Variants in CEP112 observed in about 807,000 individuals in gnomAD.
CEP112 encodes the protein centrosomal protein of 112 kDa.
In CEP112, 127 loss-of-function variants were observed where a neutral mutation model predicts 153.0. The observed-to-expected ratio is 0.83, with a 90% CI of 0.72 to 0.96. The LOEUF (loss-of-function observed/expected upper bound fraction) is 0.96, where lower values mean the gene tolerates loss of function less well. CEP112 is among the 40% of genes least tolerant of loss of function. The probability of loss-of-function intolerance (pLI) is 0.00; values close to 1 mark genes in which losing one functional copy is unlikely to be tolerated. For missense variants in CEP112, 1,089 were observed against 1,101.2 expected (o/e 0.99, Z 0.16); for synonymous variants, 358 against 374.4 (o/e 0.96, Z 0.51).
chr17:66,096,476 C>T, intron 7 of CEP112, 109 bp downstream of exon 7: 1 of 1,153,002 alleles, frequency 8.7e-7, no homozygotes, highest in South Asian at 1.4e-5. Context: ...AATTCAAAAA[C>T]TATTATGTTT....
At chr17:66,156,651 T>C (rs2071454233) in intron 4 of CEP112, among the ~76,000 whole-genome samples, 2 of 152,040 alleles carry the variant, frequency 1.3e-5, no homozygotes, top group African/African-American at 4.8e-5. Context: ...GTTAGAGGAA[T>C]TGCTGACTAG....
In CEP112 at chr17:66,188,195, C is replaced by T. The variant is rs374239752; in HGVS notation, c.-9+3802G>A. 2.0e-5 allele frequency among the ~76,000 whole-genome samples: 3 copies of T among 151,872 alleles called. No homozygotes were observed. In the East Asian group the frequency reaches 5.8e-4, roughly 29 times the overall value. ...TATAGCTTCCTGTTTAAAAATCTCT[C>T]GTGACTGCCTAAAACAGAATACTAT... is the stretch of plus-strand genomic sequence containing the variant. On this transcript the variant is annotated intron_variant, in intron 1 of 26. Transcript: ENST00000535342.
intron 17 of CEP112, among the ~76,000 whole-genome samples, chr17:65,962,508 T>C (rs1339875067): frequency 2.6e-5 from 4 of 152,160 alleles, no homozygotes; most frequent in Non-Finnish European, 4.4e-5. Flanking sequence ...GAAGAAAAAA[T>C]TAAAGCCTTC....
At chr17:65,655,072 G>C in intron 24 of CEP112, 1 of 688,970 alleles carries the variant, frequency 1.5e-6, no homozygotes, top group Non-Finnish European at 2.8e-6. Flanking sequence ...CAAAACCTAT[G>C]ATCATTGGCA....
At chr17:65,976,019 T>C (rs1324287417) in intron 17 of CEP112, among the ~76,000 whole-genome samples, 2 of 152,238 alleles carry the variant, frequency 1.3e-5, no homozygotes, top group Non-Finnish European at 2.9e-5. Flanking sequence ...ATTTGACCTA[T>C]AAAGTAAGCT....
intron 17 of CEP112, among the ~76,000 whole-genome samples, chr17:65,978,863 C>T (rs1251938026): frequency 6.6e-6 from 1 of 152,194 alleles, no homozygotes; most frequent in Non-Finnish European, 1.5e-5. Flanking sequence ...TCATATTCTA[C>T]TGACACTCAT....
intron 6 of CEP112, among the ~76,000 whole-genome samples, chr17:66,098,030 T>C (rs1204293870): frequency 6.6e-6 from 1 of 152,236 alleles, no homozygotes; most frequent in East Asian, 1.9e-4. Flanking sequence ...AACTGTAACC[T>C]AACTGGATGT....
intron 21 of CEP112, among the ~76,000 whole-genome samples, chr17:65,798,355 G>GTATA (rs2055061189): frequency 6.6e-6 from 1 of 152,138 alleles, no homozygotes; most frequent in African/African-American, 2.4e-5. Flanking sequence ...CTGGGGAAAG[G>GTATA]CTAGCTGGCT....
chr17:65,951,743 GC>G (rs200238616), intron 18 of CEP112, among the ~76,000 whole-genome samples: 1 of 78,354 alleles, frequency 1.3e-5, no homozygotes, highest in African/African-American at 4.3e-5. Flanking sequence ...ATCTTCCCCC[GC>G]CCCCCCCTTT....
intron 21 of CEP112, among the ~76,000 whole-genome samples, chr17:65,752,004 AC>A (rs2051897519): frequency 7.7e-6 from 1 of 129,774 alleles, no homozygotes; most frequent in Non-Finnish European, 1.6e-5. Context: ...CTATCTATCT[AC>A]TGTTCCTTTC....
chr17:66,179,874 T>C (rs893010702), intron 2 of CEP112, among the ~76,000 whole-genome samples: 1 of 151,832 alleles, frequency 6.6e-6, no homozygotes, highest in African/African-American at 2.4e-5. Context: ...TGATACCCAG[T>C]TTTTTTTAGG....
chr17:65,888,671 A>G (rs2059366741), intron 20 of CEP112, among the ~76,000 whole-genome samples: 1 of 152,234 alleles, frequency 6.6e-6, no homozygotes, highest in African/African-American at 2.4e-5. Flanking sequence ...AAGGGCAAGC[A>G]AGAGACAGAA....
intron 12 of CEP112, among the ~76,000 whole-genome samples, chr17:66,051,194 G>A (rs2066426303): frequency 6.6e-6 from 1 of 150,914 alleles, no homozygotes; most frequent in African/African-American, 2.4e-5. Context: ...ACCCTGGATG[G>A]TCTTGAATTC....
rs1433499303 is a variant in CEP112 at position 66,095,305 on chromosome 17, C to T, written c.768+946G>A. On this transcript the variant is annotated intron_variant, in intron 8 of 26. Transcript: ENST00000535342. ...ATATACACATACACACACACACATA[C>T]ACACACACACACAATGAAATGTTAT... 2.6e-5 allele frequency among the ~76,000 whole-genome samples: 4 copies of T among 151,298 alleles called. No individual in the cohort carries two copies. The East Asian group carries it at 7.8e-4, about 29-fold the overall frequency.
chr17:65,917,314 AG>A (rs1359866070), intron 19 of CEP112, among the ~76,000 whole-genome samples: 3 of 152,216 alleles, frequency 2.0e-5, no homozygotes, highest in Admixed American at 1.3e-4. Flanking sequence ...ACTTTCAAAA[AG>A]AGTATGATAA....
intron 11 of CEP112, among the ~76,000 whole-genome samples, chr17:66,056,512 C>G (rs968516126): frequency 1.3e-5 from 2 of 152,124 alleles, no homozygotes; most frequent in African/African-American, 4.8e-5. Context: ...AATGGATAGG[C>G]AAAATGTGGT....
At chr17:66,023,636 C>G (rs1291111075) in intron 16 of CEP112, among the ~76,000 whole-genome samples, 3 of 151,954 alleles carry the variant, frequency 2.0e-5, no homozygotes, top group Non-Finnish European at 4.4e-5. Flanking sequence ...ATAAAACTCA[C>G]AGGTCTTACA....
intron 12 of CEP112, among the ~76,000 whole-genome samples, chr17:66,042,842 TA>T (rs35292118): frequency 0.41 from 62,441 of 151,784 alleles, 14,312 homozygotes; most frequent in East Asian, 0.87. Context: ...CTAAAACTAT[TA>T]AAAAAAAGTG....
intron 12 of CEP112, among the ~76,000 whole-genome samples, chr17:66,034,324 A>G (rs926645006): frequency 1.3e-5 from 2 of 152,238 alleles, no homozygotes; most frequent in African/African-American, 4.8e-5. Context: ...TTTATAAAAA[A>G]TAGAGATAAA....
Sources: gnomAD v4.1 joint callset for allele counts (sites outside exome capture counted in the v4.1 genomes callset) on GRCh38, gnomAD v4.1.1 for gene constraint, MANE v1.5 for transcripts, NCBI Gene and HGNC (gene_info 2026-07-23, HGNC 2026-07-21) for gene names.